Variants in PCDH11X observed in about 807,000 individuals in gnomAD.
PCDH11X encodes the protein protocadherin-11 X-linked.
PCDH11X carries 18 observed loss-of-function variants against 53.3 expected under a neutral mutation model. That is an observed-to-expected ratio of 0.34 (90% CI 0.23 to 0.50). PCDH11X has a LOEUF of 0.50. PCDH11X is among the 20% of genes least tolerant of loss of function. PCDH11X has a pLI of 0.98. For synonymous variants in PCDH11X, 279 were observed against 393.3 expected, an observed-to-expected ratio of 0.71 and a Z score of 3.44; for missense variants, 570 against 1,032.4, an observed-to-expected ratio of 0.55 and a Z score of 6.14.
intron 6 of PCDH11X, among the ~76,000 whole-genome samples, chrX:92,045,742 C>T (rs2063276886): frequency 9.3e-6 from 1 of 106,997 alleles, no homozygotes; most frequent in Non-Finnish European, 1.9e-5. Flanking sequence ...GAGATCGAGA[C>T]CAGCCTGGCC....
At chrX:92,193,775 A>G (rs535436834) in intron 6 of PCDH11X, among the ~76,000 whole-genome samples, 2 of 111,702 alleles carry the variant, frequency 1.8e-5, no homozygotes, top group African/African-American at 6.5e-5. Flanking sequence ...TTTAAAATAA[A>G]TGTTTATCTA....
chrX:91,892,023 G>T (rs1413151059), intron 6 of PCDH11X, among the ~76,000 whole-genome samples: 1 of 97,532 alleles, frequency 1.0e-5, no homozygotes, highest in Non-Finnish European at 2.0e-5. Context: ...GTGTGTGTGT[G>T]TGTGTGTGTG....
intron 10 of PCDH11X, among the ~76,000 whole-genome samples, chrX:92,611,518 C>T (rs977902398): frequency 2.7e-5 from 3 of 110,608 alleles, no homozygotes; most frequent in African/African-American, 9.8e-5. Context: ...TTGAATCCTA[C>T]TGGCCATGAA....
At chrX:92,110,653 T>C in intron 6 of PCDH11X, among the ~76,000 whole-genome samples, 1 of 111,421 alleles carries the variant, frequency 9.0e-6, no homozygotes, top group Non-Finnish European at 1.9e-5. Context: ...TGACTGCACC[T>C]GTAAAGATAA....
chrX:92,271,500 T>C (rs1446711842), intron 8 of PCDH11X, among the ~76,000 whole-genome samples: 1 of 112,031 alleles, frequency 8.9e-6, no homozygotes. Flanking sequence ...TACAGATTTT[T>C]GGAGGGGTTT....
At chrX:92,050,321 T>A (rs1321760074) in intron 6 of PCDH11X, among the ~76,000 whole-genome samples, 1 of 101,880 alleles carries the variant, frequency 9.8e-6, no homozygotes, top group Non-Finnish European at 2.0e-5. Context: ...AAATTGAAGG[T>A]TTTTTGTTGT....
intron 10 of PCDH11X, among the ~76,000 whole-genome samples, chrX:92,550,923 C>T (rs1569503581): frequency 9.2e-6 from 1 of 109,221 alleles, no homozygotes; most frequent in East Asian, 2.9e-4. Context: ...GGATCTCATT[C>T]TTTTTTATGG....
intron 6 of PCDH11X, chrX:91,982,528 C>A (rs1231498109): frequency 4.8e-6 from 2 of 413,298 alleles, no homozygotes; most frequent in Non-Finnish European, 8.4e-6. Flanking sequence ...TCATCTTTAA[C>A]CTGGAGGGGT....
chrX:92,479,966 G>A (rs1157067597), intron 10 of PCDH11X, among the ~76,000 whole-genome samples: 6 of 110,970 alleles, frequency 5.4e-5, no homozygotes, highest in Admixed American at 3.8e-4. Flanking sequence ...CATTCTCCTC[G>A]TCTTTTTCAG....
At chrX:92,424,273 T>G (rs2072055363) in intron 9 of PCDH11X, among the ~76,000 whole-genome samples, 1 of 94,254 alleles carries the variant, frequency 1.1e-5, no homozygotes, top group African/African-American at 3.4e-5. Context: ...TGGGTTCTAT[T>G]TTAATCATCT....
At chrX:91,855,403 T>A (rs183215328) in intron 5 of PCDH11X, among the ~76,000 whole-genome samples, 1 of 110,876 alleles carries the variant, frequency 9.0e-6, no homozygotes, top group African/African-American at 3.4e-5. Flanking sequence ...ACTATAGCTC[T>A]GTAGTATAAT....
chrX:92,178,231 A>C (rs5941048), intron 6 of PCDH11X, among the ~76,000 whole-genome samples: 53,459 of 110,526 alleles, frequency 0.48, 10,031 homozygotes, highest in Non-Finnish European at 0.6. Context: ...CTCTCAAAAT[A>C]ATGAAAACTG....
intron 6 of PCDH11X, among the ~76,000 whole-genome samples, chrX:91,918,599 G>C (rs1469653163): frequency 9.0e-6 from 1 of 110,561 alleles, no homozygotes; most frequent in African/African-American, 3.3e-5. Context: ...CAGTGTACTT[G>C]ATCTAAAATC....
chrX:92,511,398 C>A (rs747806192), intron 10 of PCDH11X, among the ~76,000 whole-genome samples: 1 of 111,349 alleles, frequency 9.0e-6, no homozygotes, highest in Admixed American at 9.6e-5. Flanking sequence ...GTTAATGTGA[C>A]TGAAAAAGAG....
chrX:92,445,191 GC>G (rs1281863286), intron 9 of PCDH11X, among the ~76,000 whole-genome samples: 3 of 44,832 alleles, frequency 6.7e-5, no homozygotes, highest in African/African-American at 2.0e-4. Flanking sequence ...TTGGTCCAGG[GC>G]TTTTTTTTTT....
chrX:91,910,147 A>C (rs1348363444), intron 6 of PCDH11X, among the ~76,000 whole-genome samples: 2 of 108,200 alleles, frequency 1.8e-5, no homozygotes, highest in African/African-American at 6.7e-5. Flanking sequence ...CAGCCAGTGA[A>C]ACAAAGTATC....
intron 6 of PCDH11X, among the ~76,000 whole-genome samples, chrX:92,004,395 C>G (rs1454724032): frequency 9.1e-6 from 1 of 110,280 alleles, no homozygotes; most frequent in Non-Finnish European, 1.9e-5. Context: ...CTATTAGGTC[C>G]ATTTGGTCTA....
intron 10 of PCDH11X, among the ~76,000 whole-genome samples, chrX:92,487,114 A>C (rs190700500): frequency 0.02 from 1,654 of 83,659 alleles, 60 homozygotes; most frequent in African/African-American, 0.076. Flanking sequence ...ATGCAATGGC[A>C]TGATCTAGGC....
intron 4 of PCDH11X, among the ~76,000 whole-genome samples, chrX:91,829,362 C>T (rs1272551980): frequency 9.3e-6 from 1 of 107,786 alleles, no homozygotes; most frequent in Non-Finnish European, 1.9e-5. Flanking sequence ...ATATATAAAA[C>T]TCAAAATAGG....
Sources: allele counts gnomAD v4.1 joint callset (sites outside exome capture counted in the v4.1 genomes callset), GRCh38; gene constraint gnomAD v4.1.1; transcripts MANE v1.5; gene names NCBI Gene and HGNC (gene_info 2026-07-23, HGNC 2026-07-21).